KIAA2012: variants seen among roughly 807,000 people sequenced by gnomAD.
The protein encoded by KIAA2012 is uncharacterized protein KIAA2012.
In KIAA2012, 125 loss-of-function variants were observed where a neutral mutation model predicts 150.6. The ratio of observed to expected loss-of-function variants is 0.83; its 90% CI spans 0.72 to 0.96. The LOEUF (loss-of-function observed/expected upper bound fraction) is 0.96, where lower values mean the gene tolerates loss of function less well. Ranked by LOEUF, KIAA2012 falls within the 40% of genes least tolerant of loss-of-function variation. The pLI, the probability that KIAA2012 is intolerant of heterozygous loss-of-function variation, is 0.00. For missense variants in KIAA2012, 1,219 were observed against 1,354.9 expected, an observed-to-expected ratio of 0.90 and a Z score of 1.57; for synonymous variants, 462 against 504.7, an observed-to-expected ratio of 0.92 and a Z score of 1.13.
At chr2:202,188,413 T>C (rs888429761) in intron 18 of KIAA2012, 147 bp downstream of exon 18, 31 of 633,154 alleles carry the variant, frequency 4.9e-5, no homozygotes, top group Admixed American at 8.9e-5. Flanking sequence ...TGTTGCAGCC[T>C]TATGTCATAT....
chr2:202,080,696 C>CAAAAA (rs59085497), intron 2 of KIAA2012, among the ~76,000 whole-genome samples: 3 of 104,760 alleles, frequency 2.9e-5, no homozygotes, highest in Admixed American at 9.9e-5. Flanking sequence ...AACTCCGTCT[C>CAAAAA]AAAAAAAAAA....
At chr2:202,133,130 A>ATATATATATATATATATATAT (rs1279080237) in intron 12 of KIAA2012, among the ~76,000 whole-genome samples, 1 of 67,780 alleles carries the variant, frequency 1.5e-5, no homozygotes, top group African/African-American at 5.8e-5. Flanking sequence ...ATATATATAT[A>ATATATATATATATATATATAT]TTTTTTTTTT....
intron 23 of KIAA2012, among the ~76,000 whole-genome samples, chr2:202,204,396 A>G (rs1162259984): frequency 6.6e-6 from 1 of 152,114 alleles, no homozygotes; most frequent in Admixed American, 6.5e-5. Flanking sequence ...ACTTGATTAG[A>G]TATTTAACAT....
At chr2:202,185,291 C>T (rs1373985384) in intron 16 of KIAA2012, among the ~76,000 whole-genome samples, 1 of 152,170 alleles carries the variant, frequency 6.6e-6, no homozygotes, top group Non-Finnish European at 1.5e-5. Context: ...TGTACTTACG[C>T]GCTTACTGTG....
chr2:202,181,751 T>C (rs1692124796), intron 15 of KIAA2012, among the ~76,000 whole-genome samples: 1 of 152,072 alleles, frequency 6.6e-6, no homozygotes, highest in Non-Finnish European at 1.5e-5. Flanking sequence ...ATGGGTAGAG[T>C]GAGAGAGCAT....
chr2:202,125,335 T>G, intron 12 of KIAA2012, 53 bp downstream of exon 12: 1 of 1,367,528 alleles, frequency 7.3e-7, no homozygotes, highest in Non-Finnish European at 1.0e-6. Flanking sequence ...ATTTGACTCA[T>G]GATCATATTA....
chr2:202,111,150 T>C (rs1194402637), intron 10 of KIAA2012, among the ~76,000 whole-genome samples: 3 of 152,088 alleles, frequency 2.0e-5, no homozygotes, highest in South Asian at 2.1e-4. Context: ...TCACAGCAAA[T>C]GGATACTCAG....
chr2:202,115,659 CT>C (rs1690499880), intron 11 of KIAA2012: 1 of 151,120 alleles, frequency 6.6e-6, no homozygotes, highest in Admixed American at 6.6e-5. Context: ...CCAGGAAAAG[CT>C]TGTTGATTGA....
intron 14 of KIAA2012, among the ~76,000 whole-genome samples, chr2:202,157,037 T>A (rs1574296764): frequency 6.6e-6 from 1 of 152,176 alleles, no homozygotes; most frequent in East Asian, 1.9e-4. Context: ...AGTGTTGTCA[T>A]CCCTAAGGCC....
In KIAA2012 at chr2:202,074,997, T is replaced by A; in HGVS notation, c.191T>A (p.Phe64Tyr). ...TGGAGCCTCTTTCTCCCTAAAACTT[T>A]CAGTACTAGAAAGGGTGCCCTGATC... Reference protein sequence around the residue: ...HSWSLFLPKTFSTRKGALILY... With the variant: ...HSWSLFLPKTYSTRKGALILY... Residue 64 changes from phenylalanine to tyrosine, a missense_variant, in exon 2 of 24, where the codon TTC (phenylalanine) becomes TAC (tyrosine). Phe to Tyr is a conservative substitution (Grantham distance 22, BLOSUM62 3). Transcript: ENST00000498697. 1.3e-6 allele frequency: 2 copies of A among 1,550,772 alleles called. No individual in the cohort carries two copies. The highest frequency in any genetic ancestry group is 1.7e-6 in the Non-Finnish European group (2 of 1,147,028).
intron 14 of KIAA2012, among the ~76,000 whole-genome samples, chr2:202,160,529 G>T (rs1021682722): frequency 3.3e-5 from 5 of 151,974 alleles, no homozygotes; most frequent in Non-Finnish European, 5.9e-5. Context: ...TAGCCAGCAT[G>T]GTCTCGATCT....
intron 23 of KIAA2012, among the ~76,000 whole-genome samples, chr2:202,203,906 A>C (rs182226132): frequency 6.6e-6 from 1 of 151,962 alleles, no homozygotes; most frequent in African/African-American, 2.4e-5. Context: ...AGTAGCTGAG[A>C]CTACAGGCCC....
chr2:202,193,749 C>T (rs1692361193), intron 20 of KIAA2012, among the ~76,000 whole-genome samples: 1 of 152,188 alleles, frequency 6.6e-6, no homozygotes, highest in African/African-American at 2.4e-5. Flanking sequence ...TTTAGAACCC[C>T]ATGTGAGGGT....
chr2:202,132,786 G>GTA, intron 12 of KIAA2012, among the ~76,000 whole-genome samples: 1 of 43,290 alleles, frequency 2.3e-5, no homozygotes, highest in Non-Finnish European at 4.6e-5. Context: ...ATATATATAT[G>GTA]CGTATATATA....
chr2:202,122,095 G>A (rs972110581), intron 11 of KIAA2012, among the ~76,000 whole-genome samples: 37 of 152,230 alleles, frequency 2.4e-4, no homozygotes, highest in African/African-American at 8.7e-4. Flanking sequence ...TCATGCTGGG[G>A]GTGAGGAGGA....
chr2:202,099,559 C>A, intron 5 of KIAA2012, 54 bp from the exon 6 acceptor site: 3 of 1,431,862 alleles, frequency 2.1e-6, no homozygotes, highest in Non-Finnish European at 2.8e-6. Context: ...AAGAAACCTG[C>A]TCTGCCCCTT....
At chr2:202,150,094 A>G (rs1460445557) in intron 13 of KIAA2012, among the ~76,000 whole-genome samples, 1 of 152,254 alleles carries the variant, frequency 6.6e-6, no homozygotes, top group Non-Finnish European at 1.5e-5. Context: ...CAAGATAATA[A>G]TCCTGGATTT....
chr2:202,154,909 C>G (rs1259588221), intron 14 of KIAA2012, 99 bp downstream of exon 14: 2 of 1,315,024 alleles, frequency 1.5e-6, no homozygotes, highest in African/African-American at 1.5e-5. Flanking sequence ...TCAGAAGTCC[C>G]TCAGAGCTCC....
At position 202,073,481 on chromosome 2, in the gene KIAA2012, G is replaced by A. The variant is rs1369572147; in HGVS notation, c.-147G>A. 7.9e-6 allele frequency: 5 copies of A among 636,502 alleles called. No homozygotes were observed. The highest frequency in any genetic ancestry group is 1.1e-5 in the Non-Finnish European group (4 of 366,928). The allele number at this position is 636,502 out of a possible 1,614,324, so 39.4% of individuals were successfully genotyped here. ...CTGGTTGTTACTAAGAAGCTGCTGC[G>A]AGAGGGAAAAATGTATTTAATAAAA... On this transcript the variant is annotated 5_prime_UTR_variant, in exon 1 of 24. Coordinates refer to ENST00000498697, the MANE Select transcript of KIAA2012 (RefSeq NM_001277372.4).
Sources: gnomAD v4.1 joint callset for allele counts (sites outside exome capture counted in the v4.1 genomes callset) on GRCh38, gnomAD v4.1.1 for gene constraint, MANE v1.5 for transcripts, NCBI Gene and HGNC (gene_info 2026-07-23, HGNC 2026-07-21) for gene names.